The following FUT8 variants were observed in gnomAD, a reference collection of about 807,000 sequenced individuals.
FUT8 encodes alpha-(1,6)-fucosyltransferase.
In FUT8, 29 loss-of-function variants were observed where a neutral mutation model predicts 71.3. The observed-to-expected ratio is 0.41, with a 90% CI of 0.30 to 0.55. The LOEUF (loss-of-function observed/expected upper bound fraction) is 0.55. FUT8 is among the 20% of genes least tolerant of loss of function. The pLI is 0.34. For synonymous variants in FUT8, 254 were observed against 239.3 expected (o/e 1.06, Z -0.57); for missense variants, 544 against 702.1 (o/e 0.77, Z 2.55).
chr14:65,456,753 G>C (rs2065899130), intron 2 of FUT8, among the ~76,000 whole-genome samples: 1 of 151,510 alleles, frequency 6.6e-6, no homozygotes, highest in Non-Finnish European at 1.5e-5. Context: ...CACGTCTGTA[G>C]TCCCAGCTAT....
the FUT8 span, among the ~76,000 whole-genome samples, chr14:65,378,324 A>G: frequency 6.6e-6 from 1 of 152,226 alleles, no homozygotes; most frequent in Non-Finnish European, 1.5e-5. Flanking sequence ...CCAGGAGCAG[A>G]GGGCCAGTGG....
At chr14:65,692,084 G>A (rs1893640620) in intron 7 of FUT8, among the ~76,000 whole-genome samples, 1 of 151,832 alleles carries the variant, frequency 6.6e-6, no homozygotes, top group African/African-American at 2.4e-5. Context: ...AACCGCCATT[G>A]TCATCATGGC....
chr14:65,674,252 C>A (rs138364031), intron 7 of FUT8, among the ~76,000 whole-genome samples: 202 of 152,168 alleles, frequency 1.3e-3, no homozygotes, highest in African/African-American at 4.6e-3. Context: ...TGCAAAAAAT[C>A]TTGATTTCTC....
At chr14:65,517,851 A>G (rs77159773) in intron 2 of FUT8, among the ~76,000 whole-genome samples, 1 of 152,322 alleles carries the variant, frequency 6.6e-6, no homozygotes, top group East Asian at 1.9e-4. Context: ...TATATGTTTC[A>G]AGGTTCTTTC....
intron 3 of FUT8, among the ~76,000 whole-genome samples, chr14:65,597,610 G>A (rs61987989): frequency 0.064 from 9,006 of 140,592 alleles, 319 homozygotes; most frequent in Admixed American, 0.12. Context: ...GCGATAGAGC[G>A]AGACTCTGTC....
chr14:65,468,272 C>A (rs1056203344), intron 2 of FUT8: 2 of 621,820 alleles, frequency 3.2e-6, no homozygotes, highest in Non-Finnish European at 6.1e-6. Context: ...GCCAAAGGAA[C>A]AACTCCATGT....
intron 3 of FUT8, among the ~76,000 whole-genome samples, chr14:65,594,143 A>G (rs994319143): frequency 1.3e-4 from 19 of 151,986 alleles, no homozygotes; most frequent in African/African-American, 4.4e-4. Flanking sequence ...GGTGTATGAC[A>G]GGGGTGCCTC....
the FUT8 span, among the ~76,000 whole-genome samples, chr14:65,382,949 T>C: frequency 1.2e-4 from 19 of 152,020 alleles, no homozygotes; most frequent in Non-Finnish European, 2.1e-4. Flanking sequence ...TGTTATAGGG[T>C]CACCATTTTC....
At chr14:65,490,780 T>C (rs2066470544) in intron 2 of FUT8, among the ~76,000 whole-genome samples, 2 of 152,068 alleles carry the variant, frequency 1.3e-5, no homozygotes, top group Non-Finnish European at 2.9e-5. Context: ...TATATAAGGG[T>C]TATGGAAGAC....
rs1455466135 is a variant in FUT8, at chr14:65,448,095, A to C, written c.-325-7526A>C. ...ATAAGACCCCTGACCTGTTGATTCT[A>C]TCTCTTTATCTTACCTAGTAAGAGA... On this transcript the variant is annotated intron_variant, in intron 1 of 10. Transcript: ENST00000673929. Among the ~76,000 whole-genome samples, 3 of 152,222 alleles carry C rather than the reference A, an allele frequency of 2.0e-5. No individual in the cohort carries two copies. In the South Asian group the frequency reaches 6.2e-4, roughly 32 times the overall value.
chr14:65,380,230 G>A, the FUT8 span, among the ~76,000 whole-genome samples: 4 of 152,208 alleles, frequency 2.6e-5, no homozygotes, highest in African/African-American at 7.2e-5. Flanking sequence ...AATGAGGAAG[G>A]AGCAAAAGCA....
intron 3 of FUT8, among the ~76,000 whole-genome samples, chr14:65,592,355 A>AT (rs1023407084): frequency 1.3e-5 from 2 of 151,906 alleles, no homozygotes; most frequent in Non-Finnish European, 2.9e-5. Context: ...TCATTCAAGC[A>AT]TAAGTGGCTT....
chr14:65,383,793 A>T, the FUT8 span, among the ~76,000 whole-genome samples: 1 of 152,188 alleles, frequency 6.6e-6, no homozygotes, highest in Non-Finnish European at 1.5e-5. Flanking sequence ...GGGATAATTT[A>T]CAGAGATACA....
intron 2 of FUT8, among the ~76,000 whole-genome samples, chr14:65,541,305 A>T (rs137855435): frequency 3.5e-4 from 54 of 152,328 alleles, no homozygotes; most frequent in African/African-American, 1.2e-3. Flanking sequence ...GAGATTTATC[A>T]TGGGATTATA....
At chr14:65,554,361 C>A (rs917172099) in intron 2 of FUT8, among the ~76,000 whole-genome samples, 1 of 147,986 alleles carries the variant, frequency 6.8e-6, no homozygotes, top group Admixed American at 6.7e-5. Flanking sequence ...ATTTAGAAGT[C>A]TGGTTTTGGT....
chr14:65,531,233 TCTTATG>T (rs1883937049), intron 2 of FUT8, among the ~76,000 whole-genome samples: 2 of 152,058 alleles, frequency 1.3e-5, no homozygotes, highest in Admixed American at 1.3e-4. Context: ...AATTAATGGC[TCTTATG>T]CTTATGATTG....
intron 2 of FUT8, among the ~76,000 whole-genome samples, chr14:65,512,928 AAAAG>A (rs950327444): frequency 2.7e-5 from 4 of 149,148 alleles, no homozygotes; most frequent in Admixed American, 6.7e-5. Flanking sequence ...AAAAAAAAGA[AAAAG>A]AAATTGTGAT....
At chr14:65,676,527 G>A (rs1177164898) in intron 7 of FUT8, among the ~76,000 whole-genome samples, 1 of 152,174 alleles carries the variant, frequency 6.6e-6, no homozygotes, top group Admixed American at 6.5e-5. Flanking sequence ...AAACATTCCA[G>A]CGGAGCTAGA....
At chr14:65,401,834 A>T in the FUT8 span, among the ~76,000 whole-genome samples, 1 of 148,626 alleles carries the variant, frequency 6.7e-6, no homozygotes, top group Non-Finnish European at 1.5e-5. Context: ...CAGAGGTTGC[A>T]GTGAGCCAAG....
Sources: allele counts gnomAD v4.1 joint callset (sites outside exome capture counted in the v4.1 genomes callset), GRCh38; gene constraint gnomAD v4.1.1; transcripts MANE v1.5; gene names NCBI Gene and HGNC (gene_info 2026-07-23, HGNC 2026-07-21).